MYZAP: variants seen among roughly 807,000 people sequenced by gnomAD.
The protein encoded by MYZAP is GRINL1A complex locus upstream.
In MYZAP, 66 loss-of-function variants were observed where a neutral mutation model predicts 69.4. That is an observed-to-expected ratio of 0.95 (90% CI 0.78 to 1.17). The LOEUF (loss-of-function observed/expected upper bound fraction) is 1.17, where lower values mean the gene tolerates loss of function less well. Among genes scored for constraint, MYZAP ranks in the 50% most tolerant of loss-of-function variants. The pLI is 0.00. For synonymous variants in MYZAP, 256 were observed against 205.9 expected, an observed-to-expected ratio of 1.24 and a Z score of -2.09; for missense variants, 611 against 556.2, an observed-to-expected ratio of 1.10 and a Z score of -0.99.
chr15:57,650,942 C>G (rs1370817262), intron 10 of MYZAP, among the ~76,000 whole-genome samples: 1 of 152,188 alleles, frequency 6.6e-6, no homozygotes, highest in Non-Finnish European at 1.5e-5. Flanking sequence ...TAGGTTGACA[C>G]CAATTGTGAT....
chr15:57,663,359 G>C (rs2038405811), intron 11 of MYZAP, among the ~76,000 whole-genome samples: 1 of 152,226 alleles, frequency 6.6e-6, no homozygotes, highest in Admixed American at 6.5e-5. Context: ...ACCTTAGTTT[G>C]GGTTGCTCCA....
At chr15:57,610,786 C>A (rs556499825) in intron 2 of MYZAP, among the ~76,000 whole-genome samples, 1 of 152,290 alleles carries the variant, frequency 6.6e-6, no homozygotes, top group East Asian at 1.9e-4. Context: ...ACCCTACAAC[C>A]TTGTCAGACA....
intron 4 of MYZAP, among the ~76,000 whole-genome samples, chr15:57,621,971 A>T (rs4774977): frequency 8.6e-5 from 13 of 151,980 alleles, no homozygotes; most frequent in African/African-American, 3.1e-4. Context: ...ATTATTTAAC[A>T]TTGTTCTTCA....
chr15:57,596,228 A>T (rs1232652422), intron 1 of MYZAP, among the ~76,000 whole-genome samples: 1 of 152,272 alleles, frequency 6.6e-6, no homozygotes, highest in East Asian at 1.9e-4. Context: ...GCTGCGTATG[A>T]GGTCCCTGTT....
At chr15:57,599,449 T>C (rs529832346) in intron 1 of MYZAP, 808 of 1,170,706 alleles carry the variant, frequency 6.9e-4, no homozygotes, top group Non-Finnish European at 8.4e-4. Flanking sequence ...GTATGCTGAG[T>C]CCAGCTTCCT....
intron 12 of MYZAP, among the ~76,000 whole-genome samples, chr15:57,677,954 A>G (rs2039222494): frequency 6.6e-6 from 1 of 151,140 alleles, no homozygotes; most frequent in African/African-American, 2.5e-5. Context: ...CTGTATTGCC[A>G]GCACTTTGGG....
intron 11 of MYZAP, among the ~76,000 whole-genome samples, chr15:57,664,739 C>G (rs1209021711): frequency 2.0e-5 from 3 of 152,194 alleles, no homozygotes; most frequent in African/African-American, 7.2e-5. Flanking sequence ...TAATAAGTAG[C>G]TACATTTGTG....
At chr15:57,610,175 G>T (rs1257113906) in intron 2 of MYZAP, among the ~76,000 whole-genome samples, 1 of 152,238 alleles carries the variant, frequency 6.6e-6, no homozygotes, top group Non-Finnish European at 1.5e-5. Context: ...TGTTTTTAAA[G>T]AAGCTGTTTT....
chr15:57,671,712 G>A (rs1426363205), intron 11 of MYZAP, among the ~76,000 whole-genome samples: 3 of 151,472 alleles, frequency 2.0e-5, no homozygotes, highest in South Asian at 2.1e-4. Flanking sequence ...GTACTTTCCT[G>A]TTCTAAAATT....
chr15:57,653,469 C>A (rs879733904), intron 10 of MYZAP, among the ~76,000 whole-genome samples: 1 of 152,034 alleles, frequency 6.6e-6, no homozygotes, highest in Non-Finnish European at 1.5e-5. Context: ...ACAATAATGT[C>A]AAATAAATGT....
At position 57,674,962 on chromosome 15, in the gene MYZAP, C is replaced by T. The variant is rs1328981943; in HGVS notation, c.1204-6C>T. 2.5e-6 allele frequency: 4 copies of T among 1,604,834 alleles called. No individual in the cohort carries two copies. The highest frequency in any genetic ancestry group is 3.5e-5 in the Admixed American group (2 of 57,888). On this transcript the variant is annotated splice_region_variant and splice_polypyrimidine_tract_variant and intron_variant, in intron 11 of 12. Coordinates refer to ENST00000267853, the MANE Select transcript of MYZAP (RefSeq NM_001018100.5). ...TACTGAAAGTACCTTTTTTTCTCAT[C>T]TCCAGAATAATGAACTACAAAGCAG...
At chr15:57,678,041 C>CAAAAAAAAAAAAAAAAAAAAAAAAA (rs56102709) in intron 12 of MYZAP, among the ~76,000 whole-genome samples, 4 of 116,272 alleles carry the variant, frequency 3.4e-5, no homozygotes, top group African/African-American at 1.4e-4. Flanking sequence ...TTATCTCTAC[C>CAAAAAAAAAAAAAAAAAAAAAAAAA]AAAAAAAAAA....
intron 2 of MYZAP, among the ~76,000 whole-genome samples, chr15:57,615,489 T>TC (rs2035376108): frequency 1.3e-5 from 2 of 152,196 alleles, no homozygotes; most frequent in African/African-American, 4.8e-5. Context: ...ATCCTCTGTG[T>TC]CCGGCCACCT....
chr15:57,680,523 A>G (rs1273650922), intron 12 of MYZAP, among the ~76,000 whole-genome samples: 1 of 151,358 alleles, frequency 6.6e-6, no homozygotes, highest in African/African-American at 2.4e-5. Context: ...ACACAAATGT[A>G]TGTGTGTATT....
chr15:57,608,975 T>C (rs72743512), intron 2 of MYZAP, among the ~76,000 whole-genome samples: 14,655 of 152,296 alleles, frequency 0.096, 852 homozygotes, highest in Admixed American at 0.14. Context: ...CCCAGACTTC[T>C]ATGTGCTGGG....
intron 5 of MYZAP, 123 bp from the exon 6 acceptor site, chr15:57,629,579 A>G: frequency 3.8e-6 from 5 of 1,314,942 alleles, no homozygotes; most frequent in Non-Finnish European, 5.1e-6. Context: ...CCAGACTGGC[A>G]GTTGCTGTAG....
intron 2 of MYZAP, among the ~76,000 whole-genome samples, chr15:57,606,652 G>A (rs953926862): frequency 6.6e-5 from 10 of 151,888 alleles, no homozygotes; most frequent in East Asian, 5.8e-4. Flanking sequence ...TGGGTGCAGC[G>A]CACCAGCATG....
At chr15:57,660,143 A>G (rs1035957426) in intron 10 of MYZAP, among the ~76,000 whole-genome samples, 11 of 152,196 alleles carry the variant, frequency 7.2e-5, no homozygotes, top group Non-Finnish European at 1.5e-4. Context: ...TGTGTTTCCT[A>G]AAATAACACA....
At chr15:57,604,124 T>C in intron 1 of MYZAP, 145 bp from the exon 2 acceptor site, 1 of 842,784 alleles carries the variant, frequency 1.2e-6, no homozygotes, top group Non-Finnish European at 1.8e-6. Flanking sequence ...AAGGCTGGCC[T>C]TATCTCCTCT....
Sources: allele counts gnomAD v4.1 joint callset (sites outside exome capture counted in the v4.1 genomes callset), GRCh38; gene constraint gnomAD v4.1.1; transcripts MANE v1.5; gene names NCBI Gene and HGNC (gene_info 2026-07-23, HGNC 2026-07-21).